Variants in IL19 observed in about 807,000 individuals in gnomAD.
IL19 encodes the protein interleukin-19.
A neutral mutation model predicts 19.5 loss-of-function variants in IL19; 15 were observed. That is an observed-to-expected ratio of 0.77 (90% CI 0.52 to 1.19). The LOEUF (loss-of-function observed/expected upper bound fraction) is 1.19, where lower values mean the gene tolerates loss of function less well. Among genes scored for constraint, IL19 ranks in the 50% most tolerant of loss-of-function variants. The pLI is 0.00. For synonymous variants in IL19, 78 were observed against 78.3 expected (o/e 1.00, Z 0.02); for missense variants, 199 against 213.1 (o/e 0.93, Z 0.41).
Position 206,770,992 on chromosome 1 carries a change from G to T in IL19, c.-235G>T, listed in dbSNP as rs1421978042. The stretch of plus-strand genomic sequence containing the variant: ...CTTGATGTCTGGGTCTTGGTTCTCA[G>T]CTTGGGGCATCACCTCCTCCAGGTA... On this transcript the variant is annotated 5_prime_UTR_variant, in exon 1 of 7. Coordinates refer to ENST00000659997, the MANE Select transcript of IL19 (RefSeq NM_153758.5). The T allele has an allele frequency of 6.2e-7, 1 of 1,614,140 alleles. No individual in the cohort carries two copies. Among genetic ancestry groups the T allele is most frequent in the Non-Finnish European group, 8.5e-7 (1 of 1,179,986 alleles).
At chr1:206,835,801 C>T (rs1314929113) in intron 2 of IL19, among the ~76,000 whole-genome samples, 2 of 152,246 alleles carry the variant, frequency 1.3e-5, no homozygotes, top group Non-Finnish European at 1.5e-5. Context: ...ACAGAGATAA[C>T]CCCATAAGCT....
intron 1 of IL19, among the ~76,000 whole-genome samples, chr1:206,795,308 G>A (rs1467240898): frequency 6.6e-6 from 1 of 152,178 alleles, no homozygotes; most frequent in Non-Finnish European, 1.5e-5. Flanking sequence ...CAGTCTCTTT[G>A]CATCCAGCTG....
Position 206,797,494 on chromosome 1 carries a change from C to A in IL19, c.-148-1367C>A, listed in dbSNP as rs189992438. On this transcript the variant is annotated intron_variant, in intron 1 of 6. Transcript: ENST00000659997. ...TTCTGCTACTGTAGCTTATCCTGAG[C>A]CCTTTACTGTTTTTCCTGGAAAACA... Among the ~76,000 whole-genome samples the A allele has an allele frequency of 2.6e-5, 4 of 152,076 alleles. No homozygotes were observed. The East Asian group carries it at 7.7e-4, about 29-fold the overall frequency.
In IL19 at chr1:206,842,666, T is replaced by C. The variant is rs1222496570; in HGVS notation, c.*44T>C. 1.6e-6 allele frequency: 2 copies of C among 1,218,724 alleles called. No individual in the cohort carries two copies. The highest frequency in any genetic ancestry group is 2.5e-5 in the East Asian group (1 of 39,634). The allele number at this position is 1,218,724 out of a possible 1,614,324, so 75.5% of individuals were successfully genotyped here. ...GTGATCCAGGGATGAACACCCCCTGTGCGGTTTACTGTGGGAGACAGCCCA... is the reference window on the plus strand; with the variant it reads ...GTGATCCAGGGATGAACACCCCCTGCGCGGTTTACTGTGGGAGACAGCCCA... On this transcript the variant is annotated 3_prime_UTR_variant, in exon 7 of 7. Transcript: ENST00000659997.
chr1:206,813,033 T>C (rs1008249727), intron 2 of IL19, among the ~76,000 whole-genome samples: 5 of 152,184 alleles, frequency 3.3e-5, no homozygotes, highest in Non-Finnish European at 5.9e-5. Flanking sequence ...TTGCATTTTG[T>C]TGGGAGGAAA....
chr1:206,817,434 G>A lies in IL19; in HGVS notation c.-3+18428G>A, dbSNP rs779080401. Among the ~76,000 whole-genome samples, 8 of 152,144 alleles carry A rather than the reference G, an allele frequency of 5.3e-5. No individual in the cohort carries two copies. The South Asian group carries it at 1.5e-3, about 28-fold the overall frequency. On this transcript the variant is annotated intron_variant, in intron 2 of 6. Coordinates refer to ENST00000659997, the MANE Select transcript of IL19 (RefSeq NM_153758.5). ...GCTTTTCTTTTCTCAAAAACTCAAT[G>A]TCATTATATTGGCTTCTAGCACATC...
intron 2 of IL19, among the ~76,000 whole-genome samples, chr1:206,826,505 G>T (rs958121829): frequency 2.0e-5 from 3 of 152,068 alleles, no homozygotes; most frequent in African/African-American, 7.2e-5. Flanking sequence ...TGCCCTTACC[G>T]CTTTAGTATT....
intron 2 of IL19, among the ~76,000 whole-genome samples, chr1:206,829,372 A>G (rs1676527445): frequency 6.6e-6 from 1 of 152,076 alleles, no homozygotes; most frequent in Admixed American, 6.6e-5. Context: ...AGTGGGGAGG[A>G]GGAGGGGAGT....
intron 2 of IL19, among the ~76,000 whole-genome samples, chr1:206,829,541 G>A (rs1044147531): frequency 5.9e-5 from 9 of 152,144 alleles, no homozygotes; most frequent in African/African-American, 1.7e-4. Context: ...GAGATGAGGC[G>A]GAAAATGTAG....
In IL19 at chr1:206,836,955, CA is replaced by C; in HGVS notation, c.145-2del. The stretch of plus-strand genomic sequence containing the variant: ...ATGTCTGTTCTTATGTTTCCCTCCA[CA>C]GCAAGCTAAGGACACCTTCCCAAAT... On this transcript the variant is annotated splice_acceptor_variant, in intron 3 of 6. Coordinates refer to ENST00000659997, the MANE Select transcript of IL19 (RefSeq NM_153758.5). LOFTEE classifies it high-confidence loss of function. The C allele has an allele frequency of 6.2e-7, 1 of 1,613,392 alleles. No individual in the cohort carries two copies. The highest frequency in any genetic ancestry group is 8.5e-7 in the Non-Finnish European group (1 of 1,179,302).
Position 206,803,156 on chromosome 1 carries a change from T to TA in IL19, c.-3+4154dup, listed in dbSNP as rs112867231. Among the ~76,000 whole-genome samples the TA allele has an allele frequency of 2.1e-3, 324 of 152,332 alleles. 1 individual carries two copies. The highest frequency in any genetic ancestry group is 7.4e-3 in the African/African-American group (308 of 41,576). On this transcript the variant is annotated intron_variant, in intron 2 of 6. Coordinates refer to ENST00000659997, the MANE Select transcript of IL19 (RefSeq NM_153758.5). ...TTGTGGGGCTTGAGAGTCTGCCTTTTAAAATAGCACCCCAGAGAGTCTACA... is the reference window on the plus strand; with the variant it reads ...TTGTGGGGCTTGAGAGTCTGCCTTTTAAAAATAGCACCCCAGAGAGTCTACA...
At chr1:206,792,458 C>T (rs1675431321) in intron 1 of IL19, among the ~76,000 whole-genome samples, 1 of 152,036 alleles carries the variant, frequency 6.6e-6, no homozygotes, top group African/African-American at 2.4e-5. Context: ...ATCCCCCCAC[C>T]CCGCCTTTTT....
intron 1 of IL19, among the ~76,000 whole-genome samples, chr1:206,792,499 C>T (rs779197232): frequency 1.3e-5 from 2 of 152,100 alleles, no homozygotes; most frequent in African/African-American, 2.4e-5. Flanking sequence ...CTCTGTCGCA[C>T]ATGCTGGGGT....
intron 2 of IL19, among the ~76,000 whole-genome samples, chr1:206,833,330 C>T (rs1676674174): frequency 6.6e-6 from 1 of 152,220 alleles, no homozygotes; most frequent in African/African-American, 2.4e-5. Context: ...GAGGAGACTT[C>T]CTTATACGCT....
intron 2 of IL19, chr1:206,833,854 G>A: frequency 1.0e-6 from 1 of 985,452 alleles, no homozygotes; most frequent in Non-Finnish European, 1.2e-6. Flanking sequence ...ACAAAATGAT[G>A]CAGGTAAAGC....
chr1:206,816,683 A>T (rs959994094), intron 2 of IL19, among the ~76,000 whole-genome samples: 8 of 152,368 alleles, frequency 5.3e-5, no homozygotes, highest in Admixed American at 4.6e-4. Flanking sequence ...AAACCTAGCC[A>T]TATCAATAAT....
At chr1:206,841,175 C>A (rs1196375852) in intron 6 of IL19, 97 bp downstream of exon 6, 2 of 910,476 alleles carry the variant, frequency 2.2e-6, no homozygotes, top group African/African-American at 1.6e-5. Flanking sequence ...TTCATGCATT[C>A]ACTCTATAAG....
intron 2 of IL19, among the ~76,000 whole-genome samples, chr1:206,823,278 G>A (rs1358814297): frequency 1.3e-5 from 2 of 152,048 alleles, no homozygotes; most frequent in East Asian, 1.9e-4. Context: ...AGATGGCTGG[G>A]TGTGGTGGCT....
At chr1:206,786,537 G>C (rs1238940205) in intron 1 of IL19, among the ~76,000 whole-genome samples, 5 of 152,152 alleles carry the variant, frequency 3.3e-5, no homozygotes, top group Admixed American at 3.3e-4. Flanking sequence ...ACCATAGCTG[G>C]GGCTGCTGTT....
Sources: allele counts gnomAD v4.1 joint callset (sites outside exome capture counted in the v4.1 genomes callset), GRCh38; gene constraint gnomAD v4.1.1; transcripts MANE v1.5; gene names NCBI Gene and HGNC (gene_info 2026-07-23, HGNC 2026-07-21).